The following ANO9 variants were observed in gnomAD, a reference collection of about 807,000 sequenced individuals.
The protein encoded by ANO9 is anoctamin-9.
ANO9 carries 80 observed loss-of-function variants against 100.5 expected under a neutral mutation model. That is an observed-to-expected ratio of 0.80 (90% confidence interval 0.66 to 0.96). The LOEUF is 0.96. Among genes scored for constraint, ANO9 ranks in the 40% least tolerant of loss-of-function variants. The pLI is 0.00. For synonymous variants in ANO9, 473 were observed against 435.6 expected (o/e 1.09, Z -1.07); for missense variants, 1,064 against 1,072.7 (o/e 0.99, Z 0.11).
In ANO9 at chr11:429,613, C is replaced by T. The variant is rs778037587; in HGVS notation, c.872G>A (p.Arg291His). ...GTACAGGTCCCAGTGCAGGACCACG[C>T]GGGCGCGCTGCCGCTTCCAGATCTC... ...FLEIWKRQRA[R>H]VVLHWDLYVW... Residue 291 changes from arginine to histidine, a missense_variant, in exon 11 of 23, where the codon CGC (arginine) becomes CAC (histidine). Physicochemically the swap from Arg to His is conservative, Grantham distance 29. Coordinates refer to ENST00000332826, the MANE Select transcript of ANO9 (RefSeq NM_001012302.3). 3.3e-5 allele frequency: 53 copies of T among 1,612,494 alleles called. No individual in the cohort carries two copies. In the Middle Eastern group the frequency reaches 4.9e-4, roughly 15 times the overall value.
chr11:422,556 C>T lies in ANO9; in HGVS notation c.1335-1358G>A, dbSNP rs7111248. On this transcript the variant is annotated intron_variant, in intron 15 of 22. Transcript: ENST00000332826. The surrounding 1 kb of genome is among the most constrained non-coding windows in gnomAD (Gnocchi z 4.3). The stretch of plus-strand genomic sequence containing the variant: ...AGGACTCAGGACTCACTCAGAAGGA[C>T]TCAGCCCCACGCTGCAAGCTCTGCA... Among the ~76,000 whole-genome samples, 1,682 of 152,280 alleles carry T rather than the reference C, an allele frequency of 0.011. 38 individuals carry two copies. The highest frequency in any genetic ancestry group is 0.038 in the African/African-American group (1,575 of 41,532).
At chr11:436,415 G>A (rs1160038014) in intron 1 of ANO9, among the ~76,000 whole-genome samples, 1 of 151,852 alleles carries the variant, frequency 6.6e-6, no homozygotes, top group Non-Finnish European at 1.5e-5. Flanking sequence ...TCCAGGTCTG[G>A]CCTCCAGCCC....
Position 418,520 on chromosome 11 carries a change from T to C in ANO9, c.2200A>G (p.Lys734Glu), listed in dbSNP as rs974562332. The change falls in exon 23 of 23, where the codon AAG becomes GAG. Residue 734 changes from lysine to glutamate, a missense_variant. By Grantham distance (56) the Lys-to-Glu change is moderately conservative (BLOSUM62 1). Transcript: ENST00000332826. ...VPDIPQSVKN[K>E]VLEVKYQRLR... is the part of the protein sequence containing the mutation. ...CTCTGGTACTTCACCTCCAGAACCT[T>C]GTTCTTCACCGACTGAGGGATGTCG... is the stretch of plus-strand genomic sequence containing the variant. 6 of 1,613,044 alleles carry C rather than the reference T, an allele frequency of 3.7e-6. No individual in the cohort carries two copies. The highest frequency in any genetic ancestry group is 1.7e-5 in the Admixed American group (1 of 60,008).
At chr11:433,230 T>C in intron 4 of ANO9, 84 bp downstream of exon 4, 1 of 1,520,880 alleles carries the variant, frequency 6.6e-7, no homozygotes, top group South Asian at 1.3e-5. Flanking sequence ...GCCTGGAGCC[T>C]GGCACTGTCT....
rs961720514 is a variant in ANO9 at position 418,236 on chromosome 11, T to C, written c.*135A>G. 2.0e-5 allele frequency: 18 copies of C among 887,956 alleles called. No individual in the cohort carries two copies. The East Asian group carries it at 4.5e-4, about 22-fold the overall frequency. 55.0% of individuals were successfully genotyped at this position (887,956 alleles called of 1,614,324 possible). A position where few individuals can be genotyped will look rare whatever the true frequency, so the allele number is the denominator to read the frequency against. The stretch of plus-strand genomic sequence containing the variant: ...GGGTGGCAGCTCACAGCCCTGAACA[T>C]ACAGGGGATTCCTGCGGCCCCACAT... On this transcript the variant is annotated 3_prime_UTR_variant, in exon 23 of 23. Transcript: ENST00000332826.
rs988473549 is a variant in ANO9 at position 434,164 on chromosome 11, C to T, written c.7-66G>A. 67 of 1,519,896 alleles carry T rather than the reference C, an allele frequency of 4.4e-5. 1 individual carries two copies. The highest frequency in any genetic ancestry group is 8.5e-5 in the South Asian group (7 of 82,640). The allele number at this position is 1,519,896 out of a possible 1,614,324, so 94.2% of individuals were successfully genotyped here. A position where few individuals can be genotyped will look rare whatever the true frequency, so the allele number is the denominator to read the frequency against. On this transcript the variant is annotated intron_variant, in intron 1 of 22. Transcript: ENST00000332826. ...TTGGGGGCTAGATGCCCCTCATTGG[C>T]GGGTCCCTGCAGCGGACCACATGGT...
rs553345925 is a variant in ANO9, at chr11:428,770, C to G, written c.972G>C (p.Gln324His). 2 of 1,613,282 alleles carry G rather than the reference C, an allele frequency of 1.2e-6. No homozygotes were observed. The highest frequency in any genetic ancestry group is 2.7e-5 in the African/African-American group (2 of 74,922). Reference protein sequence around the residue: ...NCPDYKLRPYQHSYLRSTVIL... With the variant: ...NCPDYKLRPYHHSYLRSTVIL... ...TGACGGTGCTGCGTAGGTAGGAGTG[C>G]TGGTATGGCCGGAGCTTGTAGTCGG... Residue 324 changes from glutamine to histidine, a missense_variant, in exon 12 of 23, where the codon CAG becomes CAC. Physicochemically the swap from Gln to His is conservative, Grantham distance 24. Coordinates refer to ENST00000332826, the MANE Select transcript of ANO9 (RefSeq NM_001012302.3).
Position 441,983 on chromosome 11 carries a change from C to A in ANO9, c.-57G>T, listed in dbSNP as rs1312593251. On this transcript the variant is annotated 5_prime_UTR_variant, in exon 1 of 23. Coordinates refer to ENST00000332826, the MANE Select transcript of ANO9 (RefSeq NM_001012302.3). ...TGGCGGCCAGGAGAGTGGCTGCCAG[C>A]GGCGGGTGCTCCTACCTGACTTCCG... 1.1e-5 allele frequency: 18 copies of A among 1,586,422 alleles called. No individual in the cohort carries two copies. The highest frequency in any genetic ancestry group is 2.7e-5 in the African/African-American group (2 of 74,798).
chr11:438,908 G>A (rs1845605012), intron 1 of ANO9, among the ~76,000 whole-genome samples: 1 of 152,144 alleles, frequency 6.6e-6, no homozygotes, highest in Admixed American at 6.5e-5. Flanking sequence ...TCCCAGGGTA[G>A]GGACAGGGGC....
In ANO9 at chr11:433,895, G is replaced by A. The variant is rs560447716; in HGVS notation, c.124C>T (p.Arg42Cys). Reference protein sequence around the residue: ...EQWDYVLVAQRHTQRDPRQAR... With the variant: ...EQWDYVLVAQCHTQRDPRQAR... ...TGCCGGGGGTCTCTCTGGGTGTGAC[G>A]TTGGGCCACGAGGACATAGTCCCAC... Residue 42 changes from arginine (R) to cysteine (C), a missense_variant, in exon 3 of 23, where the codon CGT becomes TGT. Coordinates refer to ENST00000332826, the MANE Select transcript of ANO9 (RefSeq NM_001012302.3). 7.6e-5 allele frequency: 119 copies of A among 1,563,786 alleles called. No homozygotes were observed. In the South Asian group the frequency reaches 9.5e-4, roughly 13 times the overall value.
chr11:419,608 G>A lies in ANO9; in HGVS notation c.1908C>T (p.Cys636=). The change falls in exon 20 of 23, where the codon TGC becomes TGT. Residue 636 remains cysteine (C), a synonymous_variant. Coordinates refer to ENST00000332826, the MANE Select transcript of ANO9 (RefSeq NM_001012302.3). The part of the protein sequence containing the change: ...RVVYKYRYSP[C]LKEGNSTVDC... Reference sequence around the variant, plus strand: ...CGACAGTAGAGTTGCCTTCTTTCAGGCATGGGCTATAGCGGTACTTGTAGA... The same window carrying A: ...CGACAGTAGAGTTGCCTTCTTTCAGACATGGGCTATAGCGGTACTTGTAGA... The A allele has an allele frequency of 6.2e-7, 1 of 1,613,456 alleles. No homozygotes were observed. Among genetic ancestry groups the A allele is most frequent in the Non-Finnish European group, 8.5e-7 (1 of 1,179,848 alleles).
chr11:426,619 T>C (rs1047610145), intron 15 of ANO9, among the ~76,000 whole-genome samples: 4 of 152,086 alleles, frequency 2.6e-5, no homozygotes, highest in African/African-American at 9.7e-5. Flanking sequence ...TGACACCCAC[T>C]ACCAGGCATC....
intron 4 of ANO9, 162 bp downstream of exon 4, chr11:433,152 A>C: frequency 1.1e-6 from 1 of 928,322 alleles, no homozygotes; most frequent in East Asian, 2.9e-5. Flanking sequence ...GCTGAGGCTC[A>C]CACAGCCAGT....
chr11:431,775 G>C lies in ANO9; in HGVS notation c.466-8C>G, dbSNP rs373528588. 1.9e-6 allele frequency: 3 copies of C among 1,612,332 alleles called. No individual in the cohort carries two copies. The highest frequency in any genetic ancestry group is 4.5e-5 in the East Asian group (2 of 44,862). On this transcript the variant is annotated splice_region_variant and splice_polypyrimidine_tract_variant and intron_variant, in intron 6 of 22. Transcript: ENST00000332826. ...CTTCAGGCGTCCCTCCCCCTGGCTC[G>C]GGTGACAGAGAGTGAGAGCCCCCAT...
chr11:420,875 G>C lies in ANO9; in HGVS notation c.1491-15C>G. 6.3e-7 allele frequency: 1 copy of C among 1,588,886 alleles called. No individual in the cohort carries two copies. The highest frequency in any genetic ancestry group is 8.5e-7 in the Non-Finnish European group (1 of 1,169,670). On this transcript the variant is annotated splice_polypyrimidine_tract_variant and intron_variant, in intron 17 of 22. Transcript: ENST00000332826. The stretch of plus-strand genomic sequence containing the variant: ...GGGTCACCCACCTGCGGGGAGAGCT[G>C]CGTGGCAGGGAGGGCGCAGGGGGCG...
intron 1 of ANO9, among the ~76,000 whole-genome samples, chr11:441,325 A>G (rs1263160504): frequency 6.6e-6 from 1 of 151,596 alleles, no homozygotes; most frequent in African/African-American, 2.4e-5. Flanking sequence ...GTTCACCTGC[A>G]CTCCCTCCCC....
At chr11:436,508 G>A (rs1477707384) in intron 1 of ANO9, among the ~76,000 whole-genome samples, 1 of 151,740 alleles carries the variant, frequency 6.6e-6, no homozygotes, top group Non-Finnish European at 1.5e-5. Flanking sequence ...ACAGAAGCCA[G>A]GAAATGCATC....
At chr11:419,544 G>C in intron 20 of ANO9, 38 bp downstream of exon 20, 2 of 1,605,748 alleles carry the variant, frequency 1.2e-6, no homozygotes, top group Non-Finnish European at 1.7e-6. Flanking sequence ...GGTAGGGCCA[G>C]TTTCTCCCAG....
chr11:436,336 G>A (rs148431017), intron 1 of ANO9, among the ~76,000 whole-genome samples: 2 of 152,084 alleles, frequency 1.3e-5, no homozygotes, highest in African/African-American at 4.8e-5. Context: ...CAAAGTGCTG[G>A]GATTACAGGT....
Sources: allele counts gnomAD v4.1 joint callset (sites outside exome capture counted in the v4.1 genomes callset), GRCh38; gene constraint gnomAD v4.1.1; non-coding constraint Gnocchi (gnomAD v3.1); transcripts MANE v1.5; gene names NCBI Gene and HGNC (gene_info 2026-07-23, HGNC 2026-07-21).